Variants in KIAA1217 observed in about 807,000 individuals in gnomAD.
KIAA1217 encodes sickle tail protein homolog.
Under a neutral mutation model 163.9 loss-of-function variants are expected in KIAA1217, and 88 were observed. The ratio of observed to expected loss-of-function variants is 0.54; its 90% CI spans 0.45 to 0.64. KIAA1217 has a LOEUF of 0.64. Among genes scored for constraint, KIAA1217 ranks in the 30% least tolerant of loss-of-function variants. The pLI, the probability that KIAA1217 is intolerant of heterozygous loss-of-function variation, is 0.00. For missense variants in KIAA1217, 2,372 were observed against 2,475.0 expected (o/e 0.96, Z 0.88); for synonymous variants, 903 against 923.1 (o/e 0.98, Z 0.39).
intron 1 of KIAA1217, among the ~76,000 whole-genome samples, chr10:23,888,011 A>G (rs1004259484): frequency 1.3e-5 from 2 of 151,972 alleles, no homozygotes; most frequent in African/African-American, 4.8e-5. Context: ...CATTGGCAAG[A>G]TGGTTCTCTG....
At chr10:23,796,340 CTTATTTATTTAT>C (rs34347212) in intron 1 of KIAA1217, among the ~76,000 whole-genome samples, 61 of 148,378 alleles carry the variant, frequency 4.1e-4, no homozygotes, top group African/African-American at 1.2e-3. Context: ...CGAGAGACTG[CTTATTTATTTAT>C]TTATTTATTT....
At chr10:23,984,477 A>G (rs145053224) in intron 1 of KIAA1217, among the ~76,000 whole-genome samples, 3,357 of 152,328 alleles carry the variant, frequency 0.022, 47 homozygotes, top group Middle Eastern at 0.071. Context: ...TGTTCATTGC[A>G]GCACTGTTTA....
At chr10:24,256,151 C>T (rs936329792) in intron 2 of KIAA1217, among the ~76,000 whole-genome samples, 3 of 151,362 alleles carry the variant, frequency 2.0e-5, no homozygotes, top group East Asian at 2.0e-4. Flanking sequence ...CAGTTGCCTG[C>T]GGGGCTGGTG....
chr10:24,387,594 G>A (rs1008887905), intron 3 of KIAA1217, among the ~76,000 whole-genome samples: 6 of 152,138 alleles, frequency 3.9e-5, no homozygotes, highest in Non-Finnish European at 8.8e-5. Flanking sequence ...TATTCAATTA[G>A]GAAAAGAGGA....
chr10:23,745,792 G>A (rs1231554865), intron 1 of KIAA1217, among the ~76,000 whole-genome samples: 1 of 152,146 alleles, frequency 6.6e-6, no homozygotes, highest in Non-Finnish European at 1.5e-5. Context: ...GTAGATGGAT[G>A]GGAGACAGGA....
chr10:24,057,753 G>GT (rs910554036), intron 2 of KIAA1217, among the ~76,000 whole-genome samples: 2 of 151,996 alleles, frequency 1.3e-5, no homozygotes, highest in African/African-American at 4.8e-5. Flanking sequence ...AGATTATTAG[G>GT]TTTTTTTGCT....
intron 1 of KIAA1217, among the ~76,000 whole-genome samples, chr10:23,854,120 G>A (rs911017214): frequency 1.3e-5 from 2 of 151,738 alleles, no homozygotes; most frequent in African/African-American, 4.8e-5. Context: ...TGTCAATTTT[G>A]GATCTTTCCT....
intron 1 of KIAA1217, among the ~76,000 whole-genome samples, chr10:23,985,429 C>T (rs1845931091): frequency 6.6e-6 from 1 of 152,194 alleles, no homozygotes; most frequent in South Asian, 2.1e-4. Context: ...AGCTTCTCAC[C>T]TGACACAAGT....
At chr10:24,188,941 T>G (rs973630078) in intron 2 of KIAA1217, among the ~76,000 whole-genome samples, 1 of 151,732 alleles carries the variant, frequency 6.6e-6, no homozygotes, top group Admixed American at 6.6e-5. Context: ...CCGTCTCTAT[T>G]AAAAATACGA....
chr10:23,979,864 T>C (rs1253155848), intron 1 of KIAA1217, among the ~76,000 whole-genome samples: 1 of 152,232 alleles, frequency 6.6e-6, no homozygotes, highest in African/African-American at 2.4e-5. Context: ...TCCTTTTTTT[T>C]CTAATTTTTG....
At position 24,361,275 on chromosome 10, in the gene KIAA1217, C is replaced by T. The variant is rs548668478; in HGVS notation, c.355-19594C>T. On this transcript the variant is annotated intron_variant, in intron 2 of 20. Coordinates refer to ENST00000376454, the MANE Select transcript of KIAA1217 (RefSeq NM_019590.5). ...AATCACAGGTCACTGAAGCCTCAAC[C>T]TACTCAGGCTCAGGTAATCCTCCCA... 2.0e-5 allele frequency among the ~76,000 whole-genome samples: 3 copies of T among 152,248 alleles called. No individual in the cohort carries two copies. In the South Asian group the frequency reaches 6.2e-4, roughly 32 times the overall value.
At chr10:23,841,512 G>T (rs556647096) in intron 1 of KIAA1217, among the ~76,000 whole-genome samples, 1 of 152,140 alleles carries the variant, frequency 6.6e-6, no homozygotes, top group South Asian at 2.1e-4. Flanking sequence ...TGATCTGACT[G>T]ATGTTTACCT....
rs1466384658 is a variant in KIAA1217, at chr10:23,912,073, TC to T, written c.-320-95150del. Among the ~76,000 whole-genome samples the T allele has an allele frequency of 1.2e-4, 18 of 152,226 alleles. No homozygotes were observed. The East Asian group carries it at 3.5e-3, about 30-fold the overall frequency. On this transcript the variant is annotated intron_variant, in intron 1 of 18. Transcript: ENST00000376462. ...ATTTAGTGGTTCCTGGATGCTGTTA[TC>T]CAATAACAGAAATAAAGTCTCCTGG...
At chr10:24,320,936 A>G (rs2044063481) in intron 2 of KIAA1217, among the ~76,000 whole-genome samples, 1 of 152,036 alleles carries the variant, frequency 6.6e-6, no homozygotes, top group African/African-American at 2.4e-5. Context: ...AGTCCCAGCT[A>G]CTTGGGAAGC....
At chr10:24,146,258 A>AT (rs1271354524) in intron 2 of KIAA1217, among the ~76,000 whole-genome samples, 1 of 152,196 alleles carries the variant, frequency 6.6e-6, no homozygotes, top group Non-Finnish European at 1.5e-5. Flanking sequence ...CCCTCAAAGC[A>AT]TTTGGTCACC....
chr10:24,340,976 T>C (rs1238457787), intron 2 of KIAA1217, among the ~76,000 whole-genome samples: 1 of 152,134 alleles, frequency 6.6e-6, no homozygotes, highest in African/African-American at 2.4e-5. Context: ...TATGCGCCGA[T>C]AGTTCTCCGT....
intron 2 of KIAA1217, among the ~76,000 whole-genome samples, chr10:24,019,499 G>A (rs1429822043): frequency 6.6e-6 from 1 of 151,850 alleles, no homozygotes; most frequent in Non-Finnish European, 1.5e-5. Context: ...AGAAAATATA[G>A]TGGGGAAGAT....
In KIAA1217 at chr10:23,704,146, A is replaced by ATGTATGTGTGTGTGTG. The variant is rs1400240204; in HGVS notation, c.-321+8915_-321+8916insATGTGTGTGTGTGTGT. Among the ~76,000 whole-genome samples the ATGTATGTGTGTGTGTG allele has an allele frequency of 1.0e-3, 68 of 64,858 alleles. 4 individuals carry two copies. The highest frequency in any genetic ancestry group is 5.2e-3 in the African/African-American group (63 of 12,108). The allele number at this position is 64,858 out of a possible 152,430, so 42.5% of individuals were successfully genotyped here. A position where few individuals can be genotyped will look rare whatever the true frequency, so the allele number is the denominator to read the frequency against. ...CATATATGCATGTATGTGTGTGTGT[A>ATGTATGTGTGTGTGTG]TGTGTGTGTGTGTGTGTGTGTGTGT... On this transcript the variant is annotated intron_variant, in intron 1 of 18. Transcript: ENST00000376462.
Position 24,219,926 on chromosome 10 carries a change from A to G in KIAA1217, c.354+17A>G, listed in dbSNP as rs777562236. On this transcript the variant is annotated intron_variant, in intron 2 of 20. Transcript: ENST00000376454. ...AGAGACCAGGTACGAATATGCTCTC[A>G]TTTCTCCTTGTGTAGCTCGCTCTCT... 6 of 1,567,010 alleles carry G rather than the reference A, an allele frequency of 3.8e-6. No homozygotes were observed. The highest frequency in any genetic ancestry group is 4.3e-6 in the Non-Finnish European group (5 of 1,159,608).
Sources: allele counts gnomAD v4.1 joint callset (sites outside exome capture counted in the v4.1 genomes callset), GRCh38; gene constraint gnomAD v4.1.1; transcripts MANE v1.5; gene names NCBI Gene and HGNC (gene_info 2026-07-23, HGNC 2026-07-21).